Variants in MPRIP observed in about 807,000 individuals in gnomAD.
The protein encoded by MPRIP is myosin phosphatase Rho interacting protein.
Under a neutral mutation model 234.9 loss-of-function variants are expected in MPRIP, and 59 were observed. That is an observed-to-expected ratio of 0.25 (90% CI 0.20 to 0.31). The LOEUF is 0.31. MPRIP is among the 10% of genes least tolerant of loss of function. MPRIP has a pLI of 1.00. For missense variants in MPRIP, 2,436 were observed against 3,071.0 expected (o/e 0.79, Z 4.89); for synonymous variants, 1,144 against 1,263.9 (o/e 0.91, Z 2.01).
intron 7 of MPRIP, among the ~76,000 whole-genome samples, chr17:17,140,729 C>G (rs149240183): frequency 3.3e-5 from 5 of 152,312 alleles, no homozygotes; most frequent in African/African-American, 1.2e-4. Flanking sequence ...CCTCAGACTT[C>G]CAGAGTGTTT....
At chr17:17,122,433 A>C (rs1258214352) in intron 3 of MPRIP, among the ~76,000 whole-genome samples, 1 of 152,202 alleles carries the variant, frequency 6.6e-6, no homozygotes, top group Non-Finnish European at 1.5e-5. Flanking sequence ...GGCTCACTGC[A>C]AGCTCCGCCT....
chr17:17,158,898 C>G lies in MPRIP; in HGVS notation c.2296C>G (p.Leu766Val), dbSNP rs757202979. ...GTGGCATCAGGTGGAGACCACACCT[C>G]TCCGGGAAGAGAAGCAGGTGCCCAT... ...QRWHQVETTP[L>V]REEKQVPIAP... Residue 766 changes from leucine (L) to valine (V), a missense_variant, in exon 14 of 24, where the codon CTC becomes GTC. Leu to Val is a conservative substitution (Grantham distance 32). Around this residue, in one of 4 missense-constraint regions of MPRIP, gnomAD observed 1,998 missense variants for 2,520.3 expected, o/e 0.79. Transcript: ENST00000651222. The G allele has an allele frequency of 6.2e-7, 1 of 1,612,294 alleles. No individual in the cohort carries two copies. The highest frequency in any genetic ancestry group is 1.1e-5 in the South Asian group (1 of 91,066).
Position 17,165,297 on chromosome 17 carries a change from G to C in MPRIP, c.3706G>C (p.Glu1236Gln), listed in dbSNP as rs1190414227. The change falls in exon 16 of 24, where the codon GAG becomes CAG. Residue 1236 changes from glutamate (E) to glutamine (Q), a missense_variant. Transcript: ENST00000651222. Reference protein sequence around the residue: ...DMEEPRSTPEETERDGTLLPG... With the variant: ...DMEEPRSTPEQTERDGTLLPG... ...GGAAGAGCCACGGAGTACCCCTGAAGAGACAGAAAGGGATGGCACTTTGCT... is the reference window on the plus strand; with the variant it reads ...GGAAGAGCCACGGAGTACCCCTGAACAGACAGAAAGGGATGGCACTTTGCT... 2 of 1,304,092 alleles carry C rather than the reference G, an allele frequency of 1.5e-6. No homozygotes were observed. The highest frequency in any genetic ancestry group is 2.5e-5 in the South Asian group (2 of 81,026). The allele number at this position is 1,304,092 out of a possible 1,614,324, so 80.8% of individuals were successfully genotyped here. A position where few individuals can be genotyped will look rare whatever the true frequency, so the allele number is the denominator to read the frequency against.
At chr17:17,089,864 G>T (rs1597786615) in intron 3 of MPRIP, among the ~76,000 whole-genome samples, 1 of 152,222 alleles carries the variant, frequency 6.6e-6, no homozygotes, top group South Asian at 2.1e-4. Flanking sequence ...CCCGTCCTCA[G>T]TTGGGGGCGA....
chr17:17,165,140 G>A lies in MPRIP; in HGVS notation c.3549G>A (p.Lys1183=). 1.5e-6 allele frequency: 2 copies of A among 1,304,274 alleles called. No individual in the cohort carries two copies. Among genetic ancestry groups the A allele is most frequent in the African/African-American group, 1.5e-5 (1 of 66,016 alleles). 80.8% of individuals were successfully genotyped at this position (1,304,274 alleles called of 1,614,324 possible). Residue 1183 remains lysine, a synonymous_variant, in exon 16 of 24, where the codon AAG becomes AAA. Coordinates refer to ENST00000651222, the MANE Select transcript of MPRIP (RefSeq NM_001364716.4). ...IKEAHEKVLE[K]KEQDLNEALV... is the part of the protein sequence containing the mutation. Reference sequence around the variant, plus strand: ...AAGCACATGAGAAGGTTCTGGAGAAGAAGGAGCAGGACCTCAATGAGGCTT... The same window carrying A: ...AAGCACATGAGAAGGTTCTGGAGAAAAAGGAGCAGGACCTCAATGAGGCTT...
chr17:17,143,559 T>C lies in MPRIP; in HGVS notation c.1393T>C (p.Phe465Leu). ...CAGCGGCTGCTCTCTGCCACAGGACTTCACCAATGAAGCCCCCCCAGCTCC... is the reference window on the plus strand; with the variant it reads ...CAGCGGCTGCTCTCTGCCACAGGACCTCACCAATGAAGCCCCCCCAGCTCC... ...EKRAFPRKRDFTNEAPPAPLP... is the reference protein window; with the variant it reads ...EKRAFPRKRDLTNEAPPAPLP... The change falls in exon 9 of 24, where the codon TTC (phenylalanine) becomes CTC (leucine). Residue 465 changes from phenylalanine (F) to leucine (L), a missense_variant. Phe to Leu is a conservative substitution (Grantham distance 22, BLOSUM62 0). Transcript: ENST00000651222. 8 of 1,594,132 alleles carry C rather than the reference T, an allele frequency of 5.0e-6. No homozygotes were observed. Among genetic ancestry groups the C allele is most frequent in the Non-Finnish European group, 6.8e-6 (8 of 1,169,408 alleles).
At chr17:17,045,055 A>G (rs967176422) in intron 1 of MPRIP, among the ~76,000 whole-genome samples, 2 of 152,022 alleles carry the variant, frequency 1.3e-5, no homozygotes, top group Non-Finnish European at 2.9e-5. Context: ...TCTCATCCTT[A>G]TGGCTCCATT....
intron 1 of MPRIP, among the ~76,000 whole-genome samples, chr17:17,071,587 C>G (rs1222560034): frequency 6.6e-6 from 1 of 152,178 alleles, no homozygotes; most frequent in Admixed American, 6.5e-5. Context: ...AGTTTCAAGG[C>G]ACTGTTTTTG....
chr17:17,060,507 T>G (rs1331781501), intron 1 of MPRIP, among the ~76,000 whole-genome samples: 3 of 152,206 alleles, frequency 2.0e-5, no homozygotes, highest in Non-Finnish European at 4.4e-5. Flanking sequence ...CTCTATTTAC[T>G]TGGACAGACC....
chr17:17,125,895 CAG>C (rs1349204637), intron 3 of MPRIP, among the ~76,000 whole-genome samples: 1 of 152,196 alleles, frequency 6.6e-6, no homozygotes, highest in Non-Finnish European at 1.5e-5. Context: ...GTGTTAAGGA[CAG>C]GGGCACCCCT....
chr17:17,139,221 A>G (rs778167104), intron 7 of MPRIP, among the ~76,000 whole-genome samples: 2 of 152,214 alleles, frequency 1.3e-5, no homozygotes, highest in Non-Finnish European at 2.9e-5. Context: ...TGAGGCCTCC[A>G]AGCCCAAATC....
intron 3 of MPRIP, among the ~76,000 whole-genome samples, chr17:17,114,717 C>T (rs1164440417): frequency 1.3e-5 from 2 of 152,138 alleles, no homozygotes; most frequent in Admixed American, 6.5e-5. Context: ...CCCGCCCACC[C>T]ACCACCAGTT....
rs2045956758 is a variant in MPRIP at position 17,165,155 on chromosome 17, C to T, written c.3564C>T (p.Leu1188=). The change falls in exon 16 of 24, where the codon CTC becomes CTT. Residue 1188 remains leucine (L), a synonymous_variant. Coordinates refer to ENST00000651222, the MANE Select transcript of MPRIP (RefSeq NM_001364716.4). ...EKVLEKKEQD[L]NEALVKMVAL... is the part of the protein sequence containing the mutation. ...TTCTGGAGAAGAAGGAGCAGGACCT[C>T]AATGAGGCTTTGGTTAAAATGGTTG... is the stretch of plus-strand genomic sequence containing the variant. The T allele has an allele frequency of 3.8e-6, 5 of 1,304,190 alleles. No homozygotes were observed. Among genetic ancestry groups the T allele is most frequent in the Non-Finnish European group, 5.1e-6 (5 of 988,968 alleles). The allele number at this position is 1,304,190 out of a possible 1,614,324, so 80.8% of individuals were successfully genotyped here.
intron 1 of MPRIP, among the ~76,000 whole-genome samples, chr17:17,068,759 G>T (rs2089119553): frequency 6.6e-6 from 1 of 152,100 alleles, no homozygotes. Context: ...TCAAACTCCT[G>T]ACCTTGTGAT....
intron 1 of MPRIP, among the ~76,000 whole-genome samples, chr17:17,072,953 TCATACGTTTAACC>T (rs1480252941): frequency 2.0e-5 from 3 of 152,114 alleles, no homozygotes; most frequent in Non-Finnish European, 2.9e-5. Context: ...AATTCACACG[TCATACGTTTAACC>T]CATTTAAATG....
At chr17:17,179,814 T>C (rs1430326749) in intron 22 of MPRIP, among the ~76,000 whole-genome samples, 189 bp from the exon 23 acceptor site, 1 of 152,196 alleles carries the variant, frequency 6.6e-6, no homozygotes, top group Non-Finnish European at 1.5e-5. Context: ...TGCTGGTGTT[T>C]TATGGTGGTC....
chr17:17,074,229 T>C (rs1258997481), intron 1 of MPRIP, among the ~76,000 whole-genome samples: 1 of 152,230 alleles, frequency 6.6e-6, no homozygotes, highest in Non-Finnish European at 1.5e-5. Flanking sequence ...GGTTTTAATT[T>C]GTGTTACCGC....
chr17:17,133,882 C>T (rs766913336), intron 5 of MPRIP, among the ~76,000 whole-genome samples: 5 of 152,158 alleles, frequency 3.3e-5, no homozygotes, highest in South Asian at 2.1e-4. Context: ...CAGAAGGAAA[C>T]GATGACCCAT....
intron 1 of MPRIP, among the ~76,000 whole-genome samples, chr17:17,062,908 C>G (rs1469544813): frequency 6.6e-6 from 1 of 152,232 alleles, no homozygotes; most frequent in East Asian, 1.9e-4. Context: ...TGGCCGTGTG[C>G]TGCTGTCTGA....
Sources: gnomAD v4.1 joint callset for allele counts (sites outside exome capture counted in the v4.1 genomes callset) on GRCh38, gnomAD v4.1.1 for gene constraint, gnomAD v4.1.1 regional missense constraint, MANE v1.5 for transcripts, NCBI Gene and HGNC (gene_info 2026-07-23, HGNC 2026-07-21) for gene names.